Variants in STK3 observed in about 807,000 individuals in gnomAD.
STK3 encodes serine/threonine-protein kinase 3.
In STK3, 41 loss-of-function variants were observed where a neutral mutation model predicts 58.0. That is an observed-to-expected ratio of 0.71 (90% CI 0.55 to 0.92). The LOEUF is 0.92. Ranked by LOEUF, STK3 falls within the 40% of genes least tolerant of loss-of-function variation. STK3 has a pLI of 0.00. For synonymous variants in STK3, 170 were observed against 191.0 expected (o/e 0.89, Z 0.91); for missense variants, 479 against 602.7 (o/e 0.79, Z 2.15).
intron 4 of STK3, among the ~76,000 whole-genome samples, chr8:98,711,500 T>G (rs938831879): frequency 2.6e-5 from 4 of 152,126 alleles, no homozygotes; most frequent in Non-Finnish European, 4.4e-5. Flanking sequence ...CAAGCCTCAG[T>G]AGCCGATTCA....
At chr8:98,922,898 C>T (rs1288990585) in intron 1 of STK3, among the ~76,000 whole-genome samples, 4 of 152,190 alleles carry the variant, frequency 2.6e-5, no homozygotes, top group African/African-American at 9.6e-5. Flanking sequence ...TCCTCTATTT[C>T]CTCTATTATG....
intron 3 of STK3, among the ~76,000 whole-genome samples, chr8:98,425,790 T>G (rs1207432868): frequency 6.6e-6 from 1 of 152,078 alleles, no homozygotes; most frequent in Non-Finnish European, 1.5e-5. Context: ...CAGGATTGCG[T>G]AAAGAAAGAA....
chr8:98,793,339 A>T (rs539783662), intron 1 of STK3, among the ~76,000 whole-genome samples: 30 of 152,212 alleles, frequency 2.0e-4, no homozygotes, highest in Non-Finnish European at 2.4e-4. Context: ...TTAAAAAAAA[A>T]TTTTAATAAA....
intron 1 of STK3, among the ~76,000 whole-genome samples, chr8:98,791,781 G>A (rs1933312990): frequency 6.6e-6 from 1 of 152,076 alleles, no homozygotes; most frequent in African/African-American, 2.4e-5. Context: ...GAATGAAACT[G>A]GATCCTCATC....
At chr8:98,363,290 C>T in the STK3 span, among the ~76,000 whole-genome samples, 1 of 152,124 alleles carries the variant, frequency 6.6e-6, no homozygotes, top group Non-Finnish European at 1.5e-5. Context: ...TGGTGGGGAG[C>T]CAGTGGTCAG....
intron 7 of STK3, among the ~76,000 whole-genome samples, chr8:98,593,521 G>T (rs1815517615): frequency 6.6e-6 from 1 of 152,196 alleles, no homozygotes; most frequent in South Asian, 2.1e-4. Context: ...CTGCACAGCA[G>T]GAGGTGAGTG....
chr8:98,740,568 G>C (rs376210361), intron 4 of STK3, among the ~76,000 whole-genome samples: 40 of 152,164 alleles, frequency 2.6e-4, no homozygotes, highest in Middle Eastern at 3.4e-3. Context: ...ACCACCAGGC[G>C]TGCCCTAAAA....
chr8:98,420,286 T>C (rs1818156990), intron 3 of STK3, among the ~76,000 whole-genome samples: 1 of 152,188 alleles, frequency 6.6e-6, no homozygotes, highest in South Asian at 2.1e-4. Flanking sequence ...GCCACACTGG[T>C]TATCAGATCA....
chr8:98,812,845 T>C (rs1009810662), intron 1 of STK3, among the ~76,000 whole-genome samples: 21 of 152,108 alleles, frequency 1.4e-4, no homozygotes, highest in South Asian at 8.3e-4. Flanking sequence ...ATGAGAACAC[T>C]TGGACACTGG....
At chr8:98,614,483 G>C (rs910978208) in intron 6 of STK3, among the ~76,000 whole-genome samples, 3 of 152,128 alleles carry the variant, frequency 2.0e-5, no homozygotes, top group Non-Finnish European at 4.4e-5. Flanking sequence ...GAACAGCTCC[G>C]GTCTACAGCT....
At chr8:98,350,765 G>T in the STK3 span, among the ~76,000 whole-genome samples, 3 of 152,128 alleles carry the variant, frequency 2.0e-5, no homozygotes, top group Non-Finnish European at 4.4e-5. Flanking sequence ...ACTACCATGA[G>T]AACAGTATGG....
At chr8:98,598,022 G>C (rs1047322290) in intron 6 of STK3, 1 of 985,158 alleles carries the variant, frequency 1.0e-6, no homozygotes, top group Non-Finnish European at 1.2e-6. Flanking sequence ...CTTCCAACTA[G>C]AGAATAAAAA....
intron 4 of STK3, among the ~76,000 whole-genome samples, chr8:98,731,203 G>A (rs1828172463): frequency 6.6e-6 from 1 of 152,134 alleles, no homozygotes; most frequent in Admixed American, 6.5e-5. Flanking sequence ...ACAAAGAAGT[G>A]ATCTACCAAG....
chr8:98,620,638 AAAG>A (rs1215914191), intron 6 of STK3, among the ~76,000 whole-genome samples: 3 of 151,616 alleles, frequency 2.0e-5, no homozygotes, highest in Non-Finnish European at 4.4e-5. Flanking sequence ...GAGCCTAGAC[AAAG>A]AAGAACAAAA....
At chr8:98,384,899 A>G (rs1472120570) in intron 1 of STK3, among the ~76,000 whole-genome samples, 1 of 152,118 alleles carries the variant, frequency 6.6e-6, no homozygotes, top group East Asian at 1.9e-4. Context: ...TACCTGGGCC[A>G]TTGCTATATG....
chr8:98,843,989 G>A (rs572137705), intron 3 of STK3, among the ~76,000 whole-genome samples: 9 of 152,234 alleles, frequency 5.9e-5, no homozygotes, highest in East Asian at 1.9e-4. Context: ...ATGGGACTGC[G>A]TCTCTTAGAA....
chr8:98,868,819 T>A (rs535515528), intron 3 of STK3, among the ~76,000 whole-genome samples: 9 of 148,832 alleles, frequency 6.0e-5, no homozygotes, highest in South Asian at 2.1e-4. Flanking sequence ...AAATAAAAAA[T>A]AAAAAAAAAT....
intron 3 of STK3, among the ~76,000 whole-genome samples, chr8:98,414,981 CAT>C (rs1818097745): frequency 6.6e-6 from 1 of 152,196 alleles, no homozygotes; most frequent in African/African-American, 2.4e-5. Flanking sequence ...CCAAAATTCA[CAT>C]GTTGAAACTT....
At chr8:98,680,983 T>TC (rs1401855058) in intron 6 of STK3, among the ~76,000 whole-genome samples, 69 of 144,752 alleles carry the variant, frequency 4.8e-4, no homozygotes, top group African/African-American at 1.7e-3. Context: ...CCACCTTTCT[T>TC]TTTTTTTTTT....
Sources: allele counts gnomAD v4.1 joint callset (sites outside exome capture counted in the v4.1 genomes callset), GRCh38; gene constraint gnomAD v4.1.1; transcripts MANE v1.5; gene names NCBI Gene and HGNC (gene_info 2026-07-23, HGNC 2026-07-21).